Variants in CAMK2G observed in about 807,000 individuals in gnomAD.
The protein encoded by CAMK2G is calcium/calmodulin dependent protein kinase II gamma, also known as calcium/calmodulin-dependent protein kinase type II subunit gamma.
CAMK2G carries 23 observed loss-of-function variants against 88.7 expected under a neutral mutation model. The observed-to-expected ratio is 0.26, with a 90% CI of 0.19 to 0.37. The LOEUF (loss-of-function observed/expected upper bound fraction) is 0.37. CAMK2G is among the 10% of genes least tolerant of loss of function. The pLI is 1.00. For missense variants in CAMK2G, 476 were observed against 780.8 expected, an observed-to-expected ratio of 0.61 and a Z score of 4.65; for synonymous variants, 263 against 294.8, an observed-to-expected ratio of 0.89 and a Z score of 1.11.
At chr10:73,853,003 G>A (rs963368420) in intron 4 of CAMK2G, among the ~76,000 whole-genome samples, 189 bp downstream of exon 4, 3 of 152,194 alleles carry the variant, frequency 2.0e-5, no homozygotes, top group Admixed American at 1.3e-4. Flanking sequence ...CAGAGCCCTG[G>A]GGGGACGCTG....
chr10:73,874,146 G>C (rs901254705), intron 1 of CAMK2G, among the ~76,000 whole-genome samples: 3 of 150,544 alleles, frequency 2.0e-5, no homozygotes, highest in African/African-American at 7.3e-5. Flanking sequence ...GCACCCGGGA[G>C]CGGTCCGGGG....
intron 18 of CAMK2G, among the ~76,000 whole-genome samples, chr10:73,820,483 TATATA>T (rs2087747238): frequency 2.9e-5 from 1 of 34,920 alleles, no homozygotes; most frequent in African/African-American, 2.0e-4. Context: ...TATATATATA[TATATA>T]TATATTTTTT....
At chr10:73,851,750 T>TG (rs34527786) in intron 5 of CAMK2G, among the ~76,000 whole-genome samples, 47,754 of 81,954 alleles carry the variant, frequency 0.58, 10,584 homozygotes, top group Non-Finnish European at 0.65. Flanking sequence ...ATTTTTTTTG[T>TG]GGGGGGGGGG....
rs1282147585 is a variant in CAMK2G at position 73,814,338 on chromosome 10, C to T, written c.*180G>A. On this transcript the variant is annotated 3_prime_UTR_variant, in exon 23 of 23. Coordinates refer to ENST00000423381, the MANE Select transcript of CAMK2G (RefSeq NM_001367534.1). ...AACACCTCGGTACAGCAGAGACAGA[C>T]ACGAAGGGCGGGCGGGAGGGCTGCA... The T allele has an allele frequency of 7.4e-6, 1 of 135,804 alleles. No homozygotes were observed. Among genetic ancestry groups the T allele is most frequent in the Non-Finnish European group, 1.6e-5 (1 of 63,694 alleles). The allele number at this position is 135,804 out of a possible 1,614,324, so 8.4% of individuals were successfully genotyped here.
intron 2 of CAMK2G, among the ~76,000 whole-genome samples, chr10:73,869,970 T>C (rs1241400070): frequency 2.0e-5 from 3 of 152,174 alleles, no homozygotes; most frequent in African/African-American, 7.2e-5. Context: ...AAAGGACCAT[T>C]TGCCCTTCAA....
chr10:73,874,407 C>T lies in CAMK2G; in HGVS notation c.55G>A (p.Glu19Lys). The T allele has an allele frequency of 6.6e-7, 1 of 1,505,350 alleles. No individual in the cohort carries two copies. The highest frequency in any genetic ancestry group is 9.0e-7 in the Non-Finnish European group (1 of 1,116,892). 93.2% of individuals were successfully genotyped at this position (1,505,350 alleles called of 1,614,324 possible). A position where few individuals can be genotyped will look rare whatever the true frequency, so the allele number is the denominator to read the frequency against. Residue 19 changes from glutamate to lysine, a missense_variant, in exon 1 of 23, where the codon GAG becomes AAG. Physicochemically the swap from Glu to Lys is moderately conservative, Grantham distance 56. This residue lies in a region of CAMK2G where 34 missense variants were observed against 28.7 expected (regional missense o/e 1.19). Coordinates refer to ENST00000423381, the MANE Select transcript of CAMK2G (RefSeq NM_001367534.1). ...GCGGGCGGGCCGTACTTGCCAAGCT[C>T]CTCGAAGAGCTGGTAGTCGTCGGTG... ...RFTDDYQLFE[E>K]LGKGAFSVVR...
intron 14 of CAMK2G, among the ~76,000 whole-genome samples, chr10:73,831,901 C>T (rs1456392331): frequency 6.6e-6 from 1 of 151,846 alleles, no homozygotes; most frequent in Non-Finnish European, 1.5e-5. Context: ...TATAATAATA[C>T]AAGCACATGT....
At chr10:73,845,367 G>C (rs2094152382) in intron 10 of CAMK2G, among the ~76,000 whole-genome samples, 1 of 152,046 alleles carries the variant, frequency 6.6e-6, no homozygotes, top group Non-Finnish European at 1.5e-5. Flanking sequence ...TGGATCATGA[G>C]ATCAGGAGAT....
intron 2 of CAMK2G, among the ~76,000 whole-genome samples, chr10:73,865,722 G>A (rs544065055): frequency 6.6e-6 from 1 of 152,304 alleles, no homozygotes; most frequent in Admixed American, 6.5e-5. Context: ...CACAGTGGGA[G>A]GGCCCTGGCT....
Position 73,848,493 on chromosome 10 carries a change from C to G in CAMK2G, c.601+33G>C. The G allele has an allele frequency of 6.9e-7, 1 of 1,443,296 alleles. No individual in the cohort carries two copies. The highest frequency in any genetic ancestry group is 9.7e-7 in the Non-Finnish European group (1 of 1,026,348). 89.4% of individuals were successfully genotyped at this position (1,443,296 alleles called of 1,614,324 possible). On this transcript the variant is annotated intron_variant, in intron 8 of 22. Coordinates refer to ENST00000423381, the MANE Select transcript of CAMK2G (RefSeq NM_001367534.1). This position sits in a 1 kb window ranked among gnomAD's most constrained non-coding sequence, Gnocchi z 4.5. The stretch of plus-strand genomic sequence containing the variant: ...ATCATCGGAAGTTGAGGGCCCTTAA[C>G]AGCGAAAAGCTGAGAGCGTGGAATG...
intron 1 of CAMK2G, chr10:73,873,300 C>T: frequency 7.6e-7 from 1 of 1,318,078 alleles, no homozygotes; most frequent in South Asian, 1.5e-5. Context: ...GTGCCGCGCT[C>T]CCACCCCCTC....
intron 10 of CAMK2G, 134 bp downstream of exon 10, chr10:73,847,091 G>A: frequency 1.1e-6 from 1 of 886,758 alleles, no homozygotes; most frequent in Middle Eastern, 2.4e-4. Context: ...GCCCTCAACA[G>A]TCCTCTGCCC....
At chr10:73,832,815 C>T (rs1187421799) in intron 14 of CAMK2G, among the ~76,000 whole-genome samples, 1 of 152,066 alleles carries the variant, frequency 6.6e-6, no homozygotes, top group Non-Finnish European at 1.5e-5. Flanking sequence ...TTGGGGGTCT[C>T]ACTATGTTGC....
chr10:73,847,494 T>TGCC, intron 9 of CAMK2G, 147 bp from the exon 10 acceptor site: 1 of 800,944 alleles, frequency 1.2e-6, no homozygotes, highest in Non-Finnish European at 2.0e-6. Context: ...GCCCTGCGGC[T>TGCC]ATTCCAGAAC....
chr10:73,815,297 C>A (rs751877077), intron 21 of CAMK2G, 50 bp from the exon 22 acceptor site: 1 of 1,206,276 alleles, frequency 8.3e-7, no homozygotes, highest in East Asian at 2.4e-5. Context: ...TGGGCACCTG[C>A]ATTTTCCTCC....
chr10:73,824,233 C>A, intron 16 of CAMK2G, 149 bp from the exon 17 acceptor site: 1 of 636,904 alleles, frequency 1.6e-6, no homozygotes, highest in East Asian at 2.8e-5. Context: ...ACAAAATATC[C>A]CGGCTCAACT....
chr10:73,854,767 G>A (rs1387085721), intron 3 of CAMK2G, among the ~76,000 whole-genome samples: 3 of 152,206 alleles, frequency 2.0e-5, no homozygotes, highest in Admixed American at 6.5e-5. Context: ...GCACAGTCCC[G>A]AGGCACTGAA....
At chr10:73,868,637 AG>A (rs2095684555) in intron 2 of CAMK2G, among the ~76,000 whole-genome samples, 1 of 152,166 alleles carries the variant, frequency 6.6e-6, no homozygotes, top group African/African-American at 2.4e-5. Context: ...CCTGTGTTCC[AG>A]TGCTGTGTGG....
chr10:73,859,470 C>A (rs1228407725), intron 3 of CAMK2G, among the ~76,000 whole-genome samples: 2 of 152,256 alleles, frequency 1.3e-5, no homozygotes, highest in African/African-American at 4.8e-5. Flanking sequence ...CATGCCTAAT[C>A]TGTGACTGCT....
Sources: allele counts gnomAD v4.1 joint callset (sites outside exome capture counted in the v4.1 genomes callset), GRCh38; gene constraint gnomAD v4.1.1; regional missense constraint gnomAD v4.1.1; non-coding constraint Gnocchi (gnomAD v3.1); transcripts MANE v1.5; gene names NCBI Gene and HGNC (gene_info 2026-07-23, HGNC 2026-07-21).